Variants in GMEB2 observed in about 807,000 individuals in gnomAD.
The protein encoded by GMEB2 is glucocorticoid modulatory element-binding protein 2.
GMEB2 carries 7 observed loss-of-function variants against 45.7 expected under a neutral mutation model. The observed-to-expected ratio is 0.15, with a 90% CI of 0.09 to 0.29. GMEB2 has a LOEUF of 0.29. GMEB2 is among the 10% of genes least tolerant of loss of function. GMEB2 has a pLI of 1.00. For missense variants in GMEB2, 582 were observed against 739.2 expected (o/e 0.79, Z 2.47); for synonymous variants, 322 against 323.6 (o/e 1.00, Z 0.05).
At chr20:63,597,964 G>A (rs532910229) in intron 4 of GMEB2, 104 bp from the exon 5 acceptor site, 72 of 726,624 alleles carry the variant, frequency 9.9e-5, no homozygotes, top group South Asian at 2.5e-4. Flanking sequence ...CAGGAAAAGC[G>A]CCACGGCACG....
rs1405508911 is a variant in GMEB2 at position 63,593,712 on chromosome 20, A to G, written c.620-630T>C. ...GGCGTTGCTGATAGAGACTTTATAC[A>G]CAGATCTGGCTTAAAAAACAAACCC... On this transcript the variant is annotated intron_variant, in intron 6 of 9. Transcript: ENST00000370077. The surrounding 1 kb of genome is among the most constrained non-coding windows in gnomAD (Gnocchi z 4.7). 6.6e-6 allele frequency among the ~76,000 whole-genome samples: 1 copy of G among 152,060 alleles called. No individual in the cohort carries two copies. The highest frequency in any genetic ancestry group is 1.9e-4 in the East Asian group (1 of 5,188).
intron 4 of GMEB2, among the ~76,000 whole-genome samples, chr20:63,598,210 G>A (rs939627043): frequency 3.9e-5 from 6 of 152,304 alleles, no homozygotes; most frequent in African/African-American, 1.4e-4. Context: ...ATAAATACAC[G>A]TTATTGCATA....
chr20:63,604,750 G>T lies in GMEB2; in HGVS notation c.222C>A (p.Ala74=). ...CCTAGGACGGCTTCCTACCTAACAC[G>T]GCTTCCTTGAGCTGGGAGGAGGCTG... ...AFTASSQLKE[A]VLVKMAEEGE... Residue 74 remains alanine (A), a synonymous_variant, in exon 3 of 10, where the codon GCC becomes GCA. Transcript: ENST00000370077. 1.3e-6 allele frequency: 2 copies of T among 1,595,982 alleles called. No homozygotes were observed. Among genetic ancestry groups the T allele is most frequent in the Non-Finnish European group, 1.7e-6 (2 of 1,163,560 alleles).
Position 63,592,542 on chromosome 20 carries a change from G to T in GMEB2, c.820C>A (p.Gln274Lys), listed in dbSNP as rs1302915729. 6.2e-7 allele frequency: 1 copy of T among 1,610,532 alleles called. No homozygotes were observed. Among genetic ancestry groups the T allele is most frequent in the Non-Finnish European group, 8.5e-7 (1 of 1,177,614 alleles). ...AGATGCAGCTTCTCACCTCGAAGCT[G>T]CAGGGGAGGGTCCTGGACCCGCTGC... is the stretch of plus-strand genomic sequence containing the variant. Reference protein sequence around the residue: ...LQQRVQDPPLQLRDAVLLNNI... With the variant: ...LQQRVQDPPLKLRDAVLLNNI... The change falls in exon 8 of 10, where the codon CAG (glutamine) becomes AAG (lysine). Residue 274 changes from glutamine to lysine, a missense_variant. By Grantham distance (53) the Gln-to-Lys change is moderately conservative. This residue lies in a region of GMEB2 where 462 missense variants were observed against 586.7 expected (regional missense o/e 0.79). Coordinates refer to ENST00000370077, the MANE Select transcript of GMEB2 (RefSeq NM_012384.5). The surrounding 1 kb of genome is among the most constrained non-coding windows in gnomAD (Gnocchi z 8.2).
chr20:63,609,063 C>CA (rs2089545587), intron 2 of GMEB2, among the ~76,000 whole-genome samples: 1 of 91,004 alleles, frequency 1.1e-5, no homozygotes, highest in Non-Finnish European at 2.6e-5. Flanking sequence ...AGAAACATGC[C>CA]CCTGACCCCA....
At chr20:63,617,426 C>G (rs2089616540) in intron 2 of GMEB2, among the ~76,000 whole-genome samples, 1 of 152,210 alleles carries the variant, frequency 6.6e-6, no homozygotes, top group Admixed American at 6.5e-5. Context: ...TGGACTTCAG[C>G]CTTCAGAGCT....
chr20:63,607,061 C>T (rs1189725267), intron 2 of GMEB2, among the ~76,000 whole-genome samples: 1 of 151,814 alleles, frequency 6.6e-6, no homozygotes, highest in African/African-American at 2.4e-5. Flanking sequence ...AAACATGCCC[C>T]TCTGACCCAC....
At chr20:63,623,837 T>C (rs57389015) in intron 1 of GMEB2, among the ~76,000 whole-genome samples, 5,893 of 148,918 alleles carry the variant, frequency 0.04, 154 homozygotes, top group African/African-American at 0.072. Flanking sequence ...TCAGGCCAGG[T>C]GTGGTGGCTC....
chr20:63,591,913 G>A, intron 9 of GMEB2, 109 bp downstream of exon 9: 2 of 913,190 alleles, frequency 2.2e-6, no homozygotes, highest in Non-Finnish European at 3.3e-6. Context: ...CGCCGTGGTG[G>A]CGGTGACTCC....
Position 63,592,405 on chromosome 20 carries a change from C to T in GMEB2, c.829+128G>A. On this transcript the variant is annotated intron_variant, in intron 8 of 9. Coordinates refer to ENST00000370077, the MANE Select transcript of GMEB2 (RefSeq NM_012384.5). This position sits in a 1 kb window ranked among gnomAD's most constrained non-coding sequence, Gnocchi z 8.2. ...AGTTCAGCCTCAGCACAGCAGGAGT[C>T]CCAAGCCTAGATTCAGCCTCCAACC... The T allele has an allele frequency of 7.0e-6, 5 of 718,152 alleles. No individual in the cohort carries two copies. The highest frequency in any genetic ancestry group is 1.1e-5 in the Non-Finnish European group (5 of 437,074). 44.5% of individuals were successfully genotyped at this position (718,152 alleles called of 1,614,324 possible).
Position 63,595,761 on chromosome 20 carries a change from G to C in GMEB2, c.468C>G (p.Ile156Met). The C allele has an allele frequency of 6.2e-7, 1 of 1,613,958 alleles. No individual in the cohort carries two copies. The highest frequency in any genetic ancestry group is 8.5e-7 in the Non-Finnish European group (1 of 1,179,858). ...AGAAGTCCAGTTCCCCGGAGTCCAT[G>C]ATCTTCCTGTGACAGACAGTGGCAT... ...IRMNGIMLRK[I>M]MDSGELDFYQ... Residue 156 changes from isoleucine (I) to methionine (M), a missense_variant, in exon 6 of 10, where the codon ATC becomes ATG. Coordinates refer to ENST00000370077, the MANE Select transcript of GMEB2 (RefSeq NM_012384.5).
At position 63,619,414 on chromosome 20, in the gene GMEB2, A is replaced by T; in HGVS notation, c.-17T>A. ...AGTCGCCATGGCTCAGCGGAAGGGG[A>T]CGCCCAGGCCAGCAGCGTCAGTCCT... is the stretch of plus-strand genomic sequence containing the variant. On this transcript the variant is annotated 5_prime_UTR_variant, in exon 2 of 10. Transcript: ENST00000370077. The surrounding 1 kb of genome is among the most constrained non-coding windows in gnomAD (Gnocchi z 4.6). 1 of 1,606,908 alleles carries T rather than the reference A, an allele frequency of 6.2e-7. No homozygotes were observed. Among genetic ancestry groups the T allele is most frequent in the Non-Finnish European group, 8.5e-7 (1 of 1,178,842 alleles).
intron 2 of GMEB2, among the ~76,000 whole-genome samples, chr20:63,606,921 C>T (rs893708750): frequency 3.3e-5 from 5 of 152,292 alleles, no homozygotes; most frequent in Non-Finnish European, 7.3e-5. Context: ...ACCACGCGTA[C>T]GGGAGAGTCT....
At chr20:63,609,387 C>CCCACA (rs2089550111) in intron 2 of GMEB2, among the ~76,000 whole-genome samples, 1 of 117,894 alleles carries the variant, frequency 8.5e-6, no homozygotes, top group African/African-American at 2.8e-5. Context: ...CTGACCTCAC[C>CCCACA]TCCATTTCTA....
In GMEB2 at chr20:63,619,639, G is replaced by C. The variant is rs897875073; in HGVS notation, c.-57-185C>G. On this transcript the variant is annotated intron_variant, in intron 1 of 9. Transcript: ENST00000370077. The surrounding 1 kb of genome is among the most constrained non-coding windows in gnomAD (Gnocchi z 4.6). ...CTCTGGTTCCGAGGGCGGTGTAAGC[G>C]CACTCCACCCGTTTTTCCCACTGGA... 3 of 373,432 alleles carry C rather than the reference G, an allele frequency of 8.0e-6. No individual in the cohort carries two copies. The highest frequency in any genetic ancestry group is 6.3e-5 in the African/African-American group (3 of 47,588). 23.1% of individuals were successfully genotyped at this position (373,432 alleles called of 1,614,324 possible). A position where few individuals can be genotyped will look rare whatever the true frequency, so the allele number is the denominator to read the frequency against.
chr20:63,619,807 C>T lies in GMEB2; in HGVS notation c.-57-353G>A, dbSNP rs936224003. 4 of 157,096 alleles carry T rather than the reference C, an allele frequency of 2.5e-5. No individual in the cohort carries two copies. Among genetic ancestry groups the T allele is most frequent in the Non-Finnish European group, 4.2e-5 (3 of 71,326 alleles). 9.7% of individuals were successfully genotyped at this position (157,096 alleles called of 1,614,324 possible). On this transcript the variant is annotated intron_variant, in intron 1 of 9. Transcript: ENST00000370077. This position sits in a 1 kb window ranked among gnomAD's most constrained non-coding sequence, Gnocchi z 4.6. ...TGCCAGTTCTTCCGTCTCTCCTGGC[C>T]TGAACTCAAAGCCAGCCCCAATCCC...
chr20:63,618,987 A>T (rs2089627026), intron 2 of GMEB2, among the ~76,000 whole-genome samples: 1 of 151,398 alleles, frequency 6.6e-6, no homozygotes, highest in Non-Finnish European at 1.5e-5. Context: ...CATCCCTACC[A>T]CTCCCTCTCA....
intron 2 of GMEB2, among the ~76,000 whole-genome samples, chr20:63,613,864 A>G (rs1414978636): frequency 1.3e-5 from 2 of 152,130 alleles, no homozygotes; most frequent in Non-Finnish European, 2.9e-5. Context: ...CCACATTTCA[A>G]ATGGGTAACT....
intron 1 of GMEB2, among the ~76,000 whole-genome samples, chr20:63,623,048 C>A (rs944606637): frequency 2.0e-5 from 3 of 152,074 alleles, no homozygotes; most frequent in South Asian, 2.1e-4. Context: ...AAAGTATTCA[C>A]GGAACACATC....
Sources: allele counts gnomAD v4.1 joint callset (sites outside exome capture counted in the v4.1 genomes callset), GRCh38; gene constraint gnomAD v4.1.1; regional missense constraint gnomAD v4.1.1; non-coding constraint Gnocchi (gnomAD v3.1); transcripts MANE v1.5; gene names NCBI Gene and HGNC (gene_info 2026-07-23, HGNC 2026-07-21).